Variants in ZCWPW2 observed in about 807,000 individuals in gnomAD.
ZCWPW2 encodes the protein zinc finger CW-type PWWP domain protein 2.
In ZCWPW2, 45 loss-of-function variants were observed where a neutral mutation model predicts 46.6. The observed-to-expected ratio is 0.96, with a 90% CI of 0.76 to 1.24. The LOEUF is 1.24. Ranked by LOEUF, ZCWPW2 falls within the 50% of genes most tolerant of loss-of-function variation. The pLI is 0.00. For synonymous variants in ZCWPW2, 152 were observed against 137.1 expected (o/e 1.11, Z -0.76); for missense variants, 429 against 403.9 (o/e 1.06, Z -0.53).
At chr3:28,496,798 C>T (rs1187043133) in intron 6 of ZCWPW2, among the ~76,000 whole-genome samples, 6 of 151,432 alleles carry the variant, frequency 4.0e-5, no homozygotes, top group Non-Finnish European at 8.8e-5. Context: ...ATTCCAACAG[C>T]AATTATGGGG....
intron 4 of ZCWPW2, among the ~76,000 whole-genome samples, chr3:28,436,314 C>CTTTTTTTTTTTTTTT (rs896044426): frequency 9.9e-6 from 1 of 101,424 alleles, no homozygotes; most frequent in African/African-American, 4.6e-5. Context: ...TGAATATTTT[C>CTTTTTTTTTTTTTTT]TTTTTTTTCT....
At chr3:28,454,837 A>G (rs1412970737) in intron 4 of ZCWPW2, among the ~76,000 whole-genome samples, 1 of 152,212 alleles carries the variant, frequency 6.6e-6, no homozygotes, top group Non-Finnish European at 1.5e-5. Flanking sequence ...ATGGCTGCAT[A>G]GTATTTCATG....
At position 28,478,654 on chromosome 3, in the gene ZCWPW2, G is replaced by A. The variant is rs376729052; in HGVS notation, c.493-160G>A. Among the ~76,000 whole-genome samples, 96 of 151,952 alleles carry A rather than the reference G, an allele frequency of 6.3e-4. 1 individual carries two copies. The highest frequency in any genetic ancestry group is 9.9e-4 in the Non-Finnish European group (67 of 67,966). ...CTTGCAAAATTTTCACAATTTTGCC[G>A]AATTCTAAAATAATATTAAAATAAT... On this transcript the variant is annotated intron_variant, in intron 4 of 9. Transcript: ENST00000383768.
At chr3:28,424,298 G>C (rs1696917027) in intron 3 of ZCWPW2, among the ~76,000 whole-genome samples, 1 of 150,904 alleles carries the variant, frequency 6.6e-6, no homozygotes, top group African/African-American at 2.5e-5. Flanking sequence ...CTAGATGTAT[G>C]TTCTTGCTCT....
chr3:28,353,165 C>T (rs1443889536), intron 1 of ZCWPW2, among the ~76,000 whole-genome samples: 2 of 150,168 alleles, frequency 1.3e-5, no homozygotes, highest in African/African-American at 4.9e-5. Flanking sequence ...GCCTGGGTGA[C>T]AGACCAAGAC....
intron 2 of ZCWPW2, among the ~76,000 whole-genome samples, chr3:28,392,172 C>T (rs1695517472): frequency 6.6e-6 from 1 of 151,996 alleles, no homozygotes; most frequent in Admixed American, 6.6e-5. Context: ...GCCAGGGCTA[C>T]ACATATTAGA....
intron 3 of ZCWPW2, among the ~76,000 whole-genome samples, chr3:28,424,128 A>G (rs1263183724): frequency 1.3e-5 from 2 of 152,012 alleles, no homozygotes; most frequent in South Asian, 2.1e-4. Context: ...TTAAAGCTGT[A>G]TATTCTGGCT....
intron 6 of ZCWPW2, 148 bp from the exon 7 acceptor site, chr3:28,513,916 T>C (rs1700494024): frequency 8.7e-6 from 3 of 346,328 alleles, no homozygotes; most frequent in East Asian, 8.2e-5. Context: ...GACTATGCAG[T>C]GGTTGACTAG....
chr3:28,433,322 C>A (rs1697347719), intron 3 of ZCWPW2, among the ~76,000 whole-genome samples: 1 of 152,140 alleles, frequency 6.6e-6, no homozygotes, highest in Non-Finnish European at 1.5e-5. Context: ...TGGTACTGAT[C>A]CCGCTTCTGA....
intron 2 of ZCWPW2, among the ~76,000 whole-genome samples, chr3:28,410,673 A>G (rs1393113603): frequency 6.6e-6 from 1 of 152,054 alleles, no homozygotes; most frequent in African/African-American, 2.4e-5. Context: ...AGGAATGTAT[A>G]ACCTTGAATG....
chr3:28,445,394 T>G (rs1293737640), intron 4 of ZCWPW2, among the ~76,000 whole-genome samples: 1 of 152,082 alleles, frequency 6.6e-6, no homozygotes, highest in Non-Finnish European at 1.5e-5. Flanking sequence ...AGATGAAATT[T>G]CGTGACAACA....
At chr3:28,442,722 C>A (rs559055142) in intron 4 of ZCWPW2, among the ~76,000 whole-genome samples, 34 of 151,992 alleles carry the variant, frequency 2.2e-4, no homozygotes, top group Non-Finnish European at 4.0e-4. Flanking sequence ...ATAGCAGCTG[C>A]AATTGGAATC....
Position 28,435,613 on chromosome 3 carries a change from G to A in ZCWPW2, c.492+344G>A, listed in dbSNP as rs746449663. 1.6e-4 allele frequency among the ~76,000 whole-genome samples: 24 copies of A among 150,756 alleles called. 1 individual carries two copies. Among genetic ancestry groups the A allele is most frequent in the Admixed American group, 4.0e-4 (6 of 15,106 alleles). On this transcript the variant is annotated intron_variant, in intron 4 of 9. Transcript: ENST00000383768. The stretch of plus-strand genomic sequence containing the variant: ...CCATTCTCCTGCCTCAGCCTCCCAC[G>A]TAGCTGGGACTACAGGTGCCCGCCA...
chr3:28,368,911 A>G (rs897158595), intron 1 of ZCWPW2, among the ~76,000 whole-genome samples: 24 of 151,866 alleles, frequency 1.6e-4, no homozygotes, highest in Middle Eastern at 3.4e-3. Flanking sequence ...CATTCATTTG[A>G]TCTTCCATTA....
At chr3:28,459,104 C>T (rs1010947242) in intron 4 of ZCWPW2, among the ~76,000 whole-genome samples, 2 of 152,170 alleles carry the variant, frequency 1.3e-5, no homozygotes, top group African/African-American at 4.8e-5. Flanking sequence ...GGCACGGTGG[C>T]TCATGCCTGT....
chr3:28,493,486 T>G (rs1018174654), intron 6 of ZCWPW2, among the ~76,000 whole-genome samples: 2 of 119,964 alleles, frequency 1.7e-5, no homozygotes, highest in African/African-American at 5.6e-5. Context: ...AACTCATCAT[T>G]TTTTATGGCT....
In ZCWPW2 at chr3:28,508,261, A is replaced by G. The variant is rs190664711; in HGVS notation, c.658-5803A>G. Among the ~76,000 whole-genome samples, 294 of 152,256 alleles carry G rather than the reference A, an allele frequency of 1.9e-3. 1 individual carries two copies. The highest frequency in any genetic ancestry group is 3.6e-3 in the Non-Finnish European group (248 of 68,012). On this transcript the variant is annotated intron_variant, in intron 6 of 9. Transcript: ENST00000383768. ...GCCCCACATCCAACACTGGGGCTCA[A>G]ATTTCAACAAGAAGTTTGGAGGGAA...
intron 8 of ZCWPW2, among the ~76,000 whole-genome samples, chr3:28,518,331 G>C (rs1480909261): frequency 6.6e-6 from 1 of 151,942 alleles, no homozygotes; most frequent in Non-Finnish European, 1.5e-5. Context: ...AAGATGATTG[G>C]TCATGCAATC....
intron 1 of ZCWPW2, among the ~76,000 whole-genome samples, chr3:28,355,531 C>T (rs7371966): frequency 0.18 from 27,026 of 150,510 alleles, no homozygotes; most frequent in Admixed American, 0.23. Flanking sequence ...AGAAAGAGCC[C>T]GCATTGCCAA....
Sources: allele counts gnomAD v4.1 joint callset (sites outside exome capture counted in the v4.1 genomes callset), GRCh38; gene constraint gnomAD v4.1.1; transcripts MANE v1.5; gene names NCBI Gene and HGNC (gene_info 2026-07-23, HGNC 2026-07-21).